CRYBB1: variants seen among roughly 807,000 people sequenced by gnomAD.
CRYBB1 encodes the protein crystallin beta B1, also known as beta-crystallin B1.
CRYBB1 carries 16 observed loss-of-function variants against 29.5 expected under a neutral mutation model. The ratio of observed to expected loss-of-function variants is 0.54; its 90% CI spans 0.37 to 0.82. The LOEUF is 0.82. Ranked by LOEUF, CRYBB1 falls within the 40% of genes least tolerant of loss-of-function variation. The pLI, the probability that CRYBB1 is intolerant of heterozygous loss-of-function variation, is 0.00. For synonymous variants in CRYBB1, 127 were observed against 136.7 expected (o/e 0.93, Z 0.49); for missense variants, 300 against 350.5 (o/e 0.86, Z 1.15).
chr22:26,599,408 A>C lies in CRYBB1; in HGVS notation c.*82T>G. On this transcript the variant is annotated 3_prime_UTR_variant, in exon 6 of 6. Transcript: ENST00000647684. The stretch of plus-strand genomic sequence containing the variant: ...TCCAGGAGAAATTTTGGCTTTAGGG[A>C]ATTTTATTTGCCTGGGAAAAATGGG... 1 of 1,469,126 alleles carries C rather than the reference A, an allele frequency of 6.8e-7. No homozygotes were observed. The highest frequency in any genetic ancestry group is 1.4e-5 in the African/African-American group (1 of 71,782). The allele number at this position is 1,469,126 out of a possible 1,614,324, so 91.0% of individuals were successfully genotyped here. A position where few individuals can be genotyped will look rare whatever the true frequency, so the allele number is the denominator to read the frequency against.
In CRYBB1 at chr22:26,608,078, C is replaced by T. The variant is rs149632797; in HGVS notation, c.300-57G>A. The T allele has an allele frequency of 1.4e-3, 2,191 of 1,613,148 alleles. 24 individuals carry two copies. In the African/African-American group the frequency reaches 0.026, roughly 19 times the overall value. Reference sequence around the variant, plus strand: ...GAGACATATGGTTAGTAGAAGCCCCCACTCCCTACTTGCCTTTCTCTCTCC... The same window carrying T: ...GAGACATATGGTTAGTAGAAGCCCCTACTCCCTACTTGCCTTTCTCTCTCC... On this transcript the variant is annotated intron_variant, in intron 3 of 5. Transcript: ENST00000647684.
In CRYBB1 at chr22:26,607,770, G is replaced by A; in HGVS notation, c.432+119C>T. 4 of 1,394,016 alleles carry A rather than the reference G, an allele frequency of 2.9e-6. No individual in the cohort carries two copies. In the South Asian group the frequency reaches 3.5e-5, roughly 12 times the overall value. 86.4% of individuals were successfully genotyped at this position (1,394,016 alleles called of 1,614,324 possible). ...AGAATCCACGGTCCTTTGACAACTCGGAGGCTGCCACGCCTCCCTACCCAC... is the reference window on the plus strand; with the variant it reads ...AGAATCCACGGTCCTTTGACAACTCAGAGGCTGCCACGCCTCCCTACCCAC... On this transcript the variant is annotated intron_variant, in intron 4 of 5. Coordinates refer to ENST00000647684, the MANE Select transcript of CRYBB1 (RefSeq NM_001887.4).
chr22:26,600,557 C>T (rs1191230287), intron 5 of CRYBB1, among the ~76,000 whole-genome samples: 2 of 152,176 alleles, frequency 1.3e-5, no homozygotes, highest in African/African-American at 4.8e-5. Flanking sequence ...ATCAGAACCT[C>T]AATGTACTGT....
chr22:26,601,278 T>G (rs959803871), intron 5 of CRYBB1, among the ~76,000 whole-genome samples: 1 of 152,150 alleles, frequency 6.6e-6, no homozygotes, highest in African/African-American at 2.4e-5. Flanking sequence ...CTTCCATGTA[T>G]TCTCATGACA....
chr22:26,614,443 G>A (rs1291857687), intron 2 of CRYBB1, among the ~76,000 whole-genome samples: 1 of 152,098 alleles, frequency 6.6e-6, no homozygotes, highest in Non-Finnish European at 1.5e-5. Flanking sequence ...TGTGAATATC[G>A]GGGCAGGTTC....
intron 4 of CRYBB1, 149 bp downstream of exon 4, chr22:26,607,740 G>T: frequency 2.9e-6 from 3 of 1,018,090 alleles, no homozygotes; most frequent in Non-Finnish European, 4.5e-6. Context: ...GAATTGATGA[G>T]CTCAAGAATC....
At chr22:26,615,814 C>T (rs934530657) in intron 2 of CRYBB1, among the ~76,000 whole-genome samples, 5 of 152,086 alleles carry the variant, frequency 3.3e-5, no homozygotes, top group Non-Finnish European at 5.9e-5. Context: ...GCGCCCGGCC[C>T]CACTTTCTCC....
chr22:26,616,019 GA>G (rs1820332405), intron 2 of CRYBB1, 120 bp downstream of exon 2: 1 of 802,010 alleles, frequency 1.2e-6, no homozygotes, highest in African/African-American at 1.7e-5. Context: ...CAAGAAAAAG[GA>G]GGAGAAAGAG....
rs1928754245 is a variant in CRYBB1 at position 26,599,481 on chromosome 22, G to A, written c.*9C>T. The A allele has an allele frequency of 2.5e-6, 4 of 1,608,794 alleles. No individual in the cohort carries two copies. In the African/African-American group the frequency reaches 4.0e-5, roughly 16 times the overall value. On this transcript the variant is annotated 3_prime_UTR_variant, in exon 6 of 6. Transcript: ENST00000647684. ...GGGTTGGGGCAAGGTAGCAGAGTGA[G>A]GTGTGGACTCACTTGGGGGGCTCTG...
rs745344551 is a variant in CRYBB1 at position 26,599,557 on chromosome 22, C to T, written c.692G>A (p.Arg231His). ...AFQPQMQSLR[R>H]LRDKQWHLEG... ...GAGGTGCCACTGCTTGTCACGCAGG[C>T]GACGCAGGGACTGCATCTGTGGCTG... The change falls in exon 6 of 6, where the codon CGC becomes CAC. Residue 231 changes from arginine (R) to histidine (H), a missense_variant. Physicochemically the swap from Arg to His is conservative, Grantham distance 29. Transcript: ENST00000647684. The T allele has an allele frequency of 1.4e-5, 22 of 1,614,026 alleles. No individual in the cohort carries two copies. The highest frequency in any genetic ancestry group is 1.7e-5 in the Non-Finnish European group (20 of 1,180,044).
At chr22:26,615,852 A>G (rs1308520971) in intron 2 of CRYBB1, among the ~76,000 whole-genome samples, 1 of 152,030 alleles carries the variant, frequency 6.6e-6, no homozygotes, top group Non-Finnish European at 1.5e-5. Flanking sequence ...TGGCTATTTT[A>G]TGGGCTCCCA....
At chr22:26,612,735 C>T (rs1397469098) in intron 2 of CRYBB1, among the ~76,000 whole-genome samples, 2 of 152,182 alleles carry the variant, frequency 1.3e-5, no homozygotes, top group Non-Finnish European at 2.9e-5. Flanking sequence ...TTGTGCTATT[C>T]CTCCTGCCTG....
intron 4 of CRYBB1, among the ~76,000 whole-genome samples, chr22:26,607,381 T>C (rs1391132982): frequency 6.6e-6 from 1 of 151,936 alleles, no homozygotes; most frequent in Non-Finnish European, 1.5e-5. Context: ...GTGTTTCGAA[T>C]GGGCACTGAA....
chr22:26,604,132 A>G (rs1004297301), intron 4 of CRYBB1, among the ~76,000 whole-genome samples: 1 of 104,348 alleles, frequency 9.6e-6, no homozygotes, highest in Non-Finnish European at 1.9e-5. Context: ...AGAGATGAAC[A>G]GGAAATAGCA....
At chr22:26,602,208 C>T (rs923979584) in intron 4 of CRYBB1, among the ~76,000 whole-genome samples, 187 bp from the exon 5 acceptor site, 1 of 152,124 alleles carries the variant, frequency 6.6e-6, no homozygotes, top group Admixed American at 6.6e-5. Flanking sequence ...ACTCCCACGT[C>T]ATAGGGTCCT....
intron 3 of CRYBB1, among the ~76,000 whole-genome samples, chr22:26,609,008 C>T (rs899278070): frequency 3.3e-5 from 5 of 152,148 alleles, no homozygotes; most frequent in African/African-American, 1.2e-4. Context: ...GGGATTGTGG[C>T]AGTGCAGGTG....
intron 3 of CRYBB1, among the ~76,000 whole-genome samples, chr22:26,609,104 T>A (rs1929076155): frequency 6.6e-6 from 1 of 151,742 alleles, no homozygotes; most frequent in African/African-American, 2.4e-5. Flanking sequence ...TGTTCAAGAG[T>A]TCTTAGGAAA....
intron 3 of CRYBB1, among the ~76,000 whole-genome samples, chr22:26,611,165 C>A (rs1929144726): frequency 6.6e-6 from 1 of 152,200 alleles, no homozygotes; most frequent in African/African-American, 2.4e-5. Flanking sequence ...ACTCAATCAA[C>A]CTGAGTTGAA....
At chr22:26,599,770 C>T (rs1928764631) in intron 5 of CRYBB1, 97 bp from the exon 6 acceptor site, 2 of 919,592 alleles carry the variant, frequency 2.2e-6, no homozygotes, top group Admixed American at 1.9e-5. Flanking sequence ...TTGATCCCTG[C>T]AGTCGGCTGC....
Sources: allele counts gnomAD v4.1 joint callset (sites outside exome capture counted in the v4.1 genomes callset), GRCh38; gene constraint gnomAD v4.1.1; transcripts MANE v1.5; gene names NCBI Gene and HGNC (gene_info 2026-07-23, HGNC 2026-07-21).